Variants in NRXN3 observed in about 807,000 individuals in gnomAD.
NRXN3 encodes the protein neurexin III.
A neutral mutation model predicts 137.6 loss-of-function variants in NRXN3; 32 were observed. That is an observed-to-expected ratio of 0.23 (90% CI 0.18 to 0.31). NRXN3 has a LOEUF of 0.31. Ranked by LOEUF, NRXN3 falls within the 10% of genes least tolerant of loss-of-function variation. The pLI, the probability that NRXN3 is intolerant of heterozygous loss-of-function variation, is 1.00. For missense variants in NRXN3, 1,574 were observed against 2,062.5 expected (o/e 0.76, Z 4.59); for synonymous variants, 798 against 784.5 (o/e 1.02, Z -0.29).
At chr14:78,862,065 A>G (rs959776038) in intron 10 of NRXN3, among the ~76,000 whole-genome samples, 11 of 152,150 alleles carry the variant, frequency 7.2e-5, no homozygotes, top group Non-Finnish European at 4.4e-5. Context: ...AAACCTCTAC[A>G]TAAGGCAGTT....
At chr14:79,555,842 C>A (rs1602051159) in intron 16 of NRXN3, among the ~76,000 whole-genome samples, 1 of 152,290 alleles carries the variant, frequency 6.6e-6, no homozygotes, top group East Asian at 1.9e-4. Flanking sequence ...GCTTTGTTTG[C>A]AGACCATAAT....
At chr14:79,365,311 C>A (rs1282318126) in intron 15 of NRXN3, among the ~76,000 whole-genome samples, 1 of 151,972 alleles carries the variant, frequency 6.6e-6, no homozygotes, top group East Asian at 1.9e-4. Context: ...GTCCAGCTGC[C>A]TTTGAAGGAT....
chr14:78,172,565 TTTG>T (rs1398268891), intron 1 of NRXN3, among the ~76,000 whole-genome samples: 1 of 152,120 alleles, frequency 6.6e-6, no homozygotes, highest in Non-Finnish European at 1.5e-5. Context: ...TGTTTGATTT[TTTG>T]TTGTTGTTGG....
At chr14:78,594,436 TG>T (rs1386301459) in intron 4 of NRXN3, among the ~76,000 whole-genome samples, 2 of 152,108 alleles carry the variant, frequency 1.3e-5, no homozygotes, top group Non-Finnish European at 2.9e-5. Flanking sequence ...GATCTCTTAG[TG>T]GGGAGGGCAA....
At chr14:78,796,025 A>G (rs1428593194) in intron 8 of NRXN3, among the ~76,000 whole-genome samples, 2 of 152,218 alleles carry the variant, frequency 1.3e-5, no homozygotes, top group African/African-American at 4.8e-5. Flanking sequence ...CTACAGTTCA[A>G]CCCCAGAAGA....
intron 4 of NRXN3, among the ~76,000 whole-genome samples, chr14:78,464,682 G>A (rs1015145770): frequency 2.6e-5 from 4 of 152,196 alleles, no homozygotes; most frequent in East Asian, 1.9e-4. Flanking sequence ...AGCATGAAGA[G>A]TAAAATTATC....
chr14:79,861,673 G>A lies in NRXN3; in HGVS notation c.4425G>A (p.Thr1475=), dbSNP rs535295435. 5 of 1,614,156 alleles carry A rather than the reference G, an allele frequency of 3.1e-6. No homozygotes were observed. The highest frequency in any genetic ancestry group is 3.3e-5 in the Admixed American group (2 of 60,032). Reference sequence around the variant, plus strand: ...GTAATGTGCCCACAGCAAACCCCACGGAGCCGGGAATCAGACGGGTTCCGG... The same window carrying A: ...GTAATGTGCCCACAGCAAACCCCACAGAGCCGGGAATCAGACGGGTTCCGG... ...MFRNVPTANP[T]EPGIRRVPGA... is the part of the protein sequence containing the mutation. The change falls in exon 21 of 21, where the codon ACG becomes ACA. Residue 1475 remains threonine, a synonymous_variant. Coordinates refer to ENST00000335750, the MANE Select transcript of NRXN3 (RefSeq NM_001330195.2). The surrounding 1 kb of genome is among the most constrained non-coding windows in gnomAD (Gnocchi z 5.4).
intron 10 of NRXN3, among the ~76,000 whole-genome samples, chr14:78,816,421 C>G (rs2098933340): frequency 6.6e-6 from 1 of 152,086 alleles, no homozygotes; most frequent in Non-Finnish European, 1.5e-5. Context: ...CAAATACCAA[C>G]AAGCTTTTCC....
intron 1 of NRXN3, among the ~76,000 whole-genome samples, chr14:78,225,666 C>T (rs1294066936): frequency 6.6e-6 from 1 of 151,940 alleles, no homozygotes; most frequent in Non-Finnish European, 1.5e-5. Context: ...CATTTTTTTC[C>T]CACTATTCGC....
rs1221734104 is a variant in NRXN3 at position 79,644,564 on chromosome 14, G to C, written c.3445-19214G>C. ...TGTCCCTTTACTTACCTCCCTCTAAGAGATTAATGAGATGATACTCAAGAA... is the reference window on the plus strand; with the variant it reads ...TGTCCCTTTACTTACCTCCCTCTAACAGATTAATGAGATGATACTCAAGAA... On this transcript the variant is annotated intron_variant, in intron 16 of 20. Transcript: ENST00000335750. Among the ~76,000 whole-genome samples the C allele has an allele frequency of 1.5e-5, 2 of 135,808 alleles. 1 individual carries two copies. The highest frequency in any genetic ancestry group is 3.4e-5 in the Non-Finnish European group (2 of 58,440). The allele number at this position is 135,808 out of a possible 152,430, so 89.1% of individuals were successfully genotyped here. A position where few individuals can be genotyped will look rare whatever the true frequency, so the allele number is the denominator to read the frequency against.
At chr14:78,543,275 A>G (rs1178405709) in intron 4 of NRXN3, among the ~76,000 whole-genome samples, 1 of 152,190 alleles carries the variant, frequency 6.6e-6, no homozygotes, top group Non-Finnish European at 1.5e-5. Flanking sequence ...AAGTCCATAA[A>G]GTCCATAAAC....
intron 19 of NRXN3, among the ~76,000 whole-genome samples, chr14:79,700,353 A>G (rs2154031261): frequency 6.6e-6 from 1 of 152,192 alleles, no homozygotes; most frequent in African/African-American, 2.4e-5. Context: ...ACTGGATTTC[A>G]TATTCACCGG....
Position 79,692,219 on chromosome 14 carries a change from C to T in NRXN3, c.3663C>T (p.Pro1221=). The T allele has an allele frequency of 6.2e-7, 1 of 1,610,088 alleles. No homozygotes were observed. Among genetic ancestry groups the T allele is most frequent in the Admixed American group, 1.7e-5 (1 of 59,548 alleles). ...TCCAAATGGTAAAACAGAAAATCCC[C>T]TTCAAATATAATCGGCCTGTAGAGG... ...ERFQMVKQKI[P]FKYNRPVEEW... The change falls in exon 18 of 21, where the codon CCC becomes CCT. Residue 1221 remains proline, a synonymous_variant. Coordinates refer to ENST00000335750, the MANE Select transcript of NRXN3 (RefSeq NM_001330195.2).
At chr14:79,710,278 G>T (rs538329867) in intron 19 of NRXN3, among the ~76,000 whole-genome samples, 1 of 151,710 alleles carries the variant, frequency 6.6e-6, no homozygotes, top group African/African-American at 2.4e-5. Context: ...GAATAATTTC[G>T]TTGCTCTGTA....
intron 4 of NRXN3, among the ~76,000 whole-genome samples, chr14:78,616,098 C>T (rs1347615280): frequency 1.3e-5 from 2 of 152,252 alleles, no homozygotes; most frequent in African/African-American, 4.8e-5. Flanking sequence ...CTGACTCACT[C>T]AGCTCCTCCA....
At chr14:79,485,447 C>T (rs959099895) in intron 16 of NRXN3, among the ~76,000 whole-genome samples, 1 of 152,058 alleles carries the variant, frequency 6.6e-6, no homozygotes, top group Non-Finnish European at 1.5e-5. Flanking sequence ...TAATTCTTTC[C>T]CTTCAATTAT....
intron 15 of NRXN3, among the ~76,000 whole-genome samples, chr14:79,304,105 A>G (rs533666581): frequency 2.6e-4 from 40 of 152,192 alleles, no homozygotes; most frequent in African/African-American, 9.4e-4. Flanking sequence ...AGTGTGGTAC[A>G]ATGAAAAGAG....
chr14:79,397,950 A>G lies in NRXN3; in HGVS notation c.3263-69271A>G, dbSNP rs533521791. 4.6e-5 allele frequency among the ~76,000 whole-genome samples: 7 copies of G among 152,342 alleles called. No homozygotes were observed. The East Asian group carries it at 1.2e-3, about 25-fold the overall frequency. On this transcript the variant is annotated intron_variant, in intron 15 of 20. Coordinates refer to ENST00000335750, the MANE Select transcript of NRXN3 (RefSeq NM_001330195.2). ...GCTTAATGAGGTTCTGTGCCTGGCT[A>G]GCAGGTCAGCAGTCTGATTTCAGTT... is the stretch of plus-strand genomic sequence containing the variant.
At position 79,279,258 on chromosome 14, in the gene NRXN3, C is replaced by T. The variant is rs1354988613; in HGVS notation, c.3263-187963C>T. 3 of 762,126 alleles carry T rather than the reference C, an allele frequency of 3.9e-6. No homozygotes were observed. In the African/African-American group the frequency reaches 5.7e-5, roughly 14 times the overall value. 47.2% of individuals were successfully genotyped at this position (762,126 alleles called of 1,614,324 possible). Reference sequence around the variant, plus strand: ...GGCCGGGATTCCGGGTCGCTCTGGCCCCTCCTTCCTCCGGAGCCAGCCAGT... The same window carrying T: ...GGCCGGGATTCCGGGTCGCTCTGGCTCCTCCTTCCTCCGGAGCCAGCCAGT... On this transcript the variant is annotated intron_variant, in intron 15 of 20. Coordinates refer to ENST00000335750, the MANE Select transcript of NRXN3 (RefSeq NM_001330195.2).
Sources: allele counts gnomAD v4.1 joint callset (sites outside exome capture counted in the v4.1 genomes callset), GRCh38; gene constraint gnomAD v4.1.1; non-coding constraint Gnocchi (gnomAD v3.1); transcripts MANE v1.5; gene names NCBI Gene and HGNC (gene_info 2026-07-23, HGNC 2026-07-21).